The following B4GALT6 variants were observed in gnomAD, a reference collection of about 807,000 sequenced individuals.
B4GALT6 encodes the protein beta-1,4-galactosyltransferase 6.
Under a neutral mutation model 46.3 loss-of-function variants are expected in B4GALT6, and 14 were observed. The observed-to-expected ratio is 0.30, with a 90% confidence interval of 0.20 to 0.47. B4GALT6 has a LOEUF of 0.47. B4GALT6 is among the 20% of genes least tolerant of loss of function. The probability of loss-of-function intolerance (pLI) is 0.99; values close to 1 mark genes in which losing one functional copy is unlikely to be tolerated. For synonymous variants in B4GALT6, 168 were observed against 162.0 expected (o/e 1.04, Z -0.28); for missense variants, 386 against 480.1 (o/e 0.80, Z 1.83).
chr18:31,631,200 C>CTTTTTTTTTT (rs10657836), intron 5 of B4GALT6, 54 bp from the exon 6 acceptor site: 4 of 1,074,916 alleles, frequency 3.7e-6, no homozygotes, highest in African/African-American at 3.6e-5. Flanking sequence ...ACTTCATCAT[C>CTTTTTTTTTT]TTTTTTTTTT....
At chr18:31,724,541 G>T in the B4GALT6 span, 1 of 1,022,360 alleles carries the variant, frequency 9.8e-7, no homozygotes, top group South Asian at 3.9e-5. Context: ...TTCAGGAATC[G>T]ACTGAGACTT....
At chr18:31,707,507 T>A in the B4GALT6 span, among the ~76,000 whole-genome samples, 1 of 152,186 alleles carries the variant, frequency 6.6e-6, no homozygotes, top group South Asian at 2.1e-4. Context: ...CTGTTCTACA[T>A]GAAGAGGTTA....
intron 2 of B4GALT6, 57 bp downstream of exon 2, chr18:31,666,199 A>G: frequency 1.0e-6 from 1 of 980,956 alleles, no homozygotes; most frequent in Non-Finnish European, 1.5e-6. Flanking sequence ...AACAGACTGT[A>G]AAAGATTTGG....
Position 31,654,358 on chromosome 18 carries a change from T to C in B4GALT6, c.346+3618A>G, listed in dbSNP as rs150500206. Among the ~76,000 whole-genome samples the C allele has an allele frequency of 4.6e-3, 695 of 152,372 alleles. 6 individuals carry two copies. The highest frequency in any genetic ancestry group is 0.016 in the African/African-American group (666 of 41,598). ...ACAAGGTGAAACTTCTATTTTACTT[T>C]GTTAGCACAAAGAATCTTACATAAA... On this transcript the variant is annotated intron_variant, in intron 3 of 8. Transcript: ENST00000306851.
chr18:31,689,679 G>T (rs1183196993), upstream of B4GALT6, among the ~76,000 whole-genome samples: 2 of 151,352 alleles, frequency 1.3e-5, no homozygotes, highest in Non-Finnish European at 2.9e-5. Context: ...GGGAGACGGA[G>T]GTTGCAGTGA....
chr18:31,667,003 A>T (rs564640209), intron 1 of B4GALT6, among the ~76,000 whole-genome samples: 2 of 152,356 alleles, frequency 1.3e-5, no homozygotes, highest in Admixed American at 1.3e-4. Context: ...TTTTTAAAGC[A>T]GCTCAATTTA....
intron 6 of B4GALT6, among the ~76,000 whole-genome samples, chr18:31,629,583 C>T (rs1259046912): frequency 6.8e-6 from 1 of 146,844 alleles, no homozygotes; most frequent in African/African-American, 2.5e-5. Context: ...GGCACGGTGG[C>T]TCATGCCTGT....
At chr18:31,644,947 C>T (rs1166923180) in intron 4 of B4GALT6, among the ~76,000 whole-genome samples, 1 of 152,190 alleles carries the variant, frequency 6.6e-6, no homozygotes, top group Non-Finnish European at 1.5e-5. Flanking sequence ...TTAATATCCT[C>T]CCAGTGAGTT....
chr18:31,666,115 C>T (rs1181154701), intron 2 of B4GALT6, 141 bp downstream of exon 2: 5 of 511,336 alleles, frequency 9.8e-6, no homozygotes, highest in Non-Finnish European at 1.8e-5. Context: ...TTGATTTGCA[C>T]AGTAAAATAA....
At chr18:31,680,353 C>A (rs1187008345) in intron 1 of B4GALT6, among the ~76,000 whole-genome samples, 1 of 152,178 alleles carries the variant, frequency 6.6e-6, no homozygotes, top group Non-Finnish European at 1.5e-5. Flanking sequence ...CAGAGGGACT[C>A]TGAGGAAAGG....
intron 3 of B4GALT6, among the ~76,000 whole-genome samples, chr18:31,657,468 A>C (rs548288840): frequency 6.6e-6 from 1 of 152,178 alleles, no homozygotes; most frequent in Non-Finnish European, 1.5e-5. Context: ...AACAATATCT[A>C]TTTTCTATAC....
At chr18:31,679,352 T>C (rs1284989832) in intron 1 of B4GALT6, among the ~76,000 whole-genome samples, 1 of 152,200 alleles carries the variant, frequency 6.6e-6, no homozygotes, top group Non-Finnish European at 1.5e-5. Flanking sequence ...TGAAGAGATA[T>C]AGCTGAGTCA....
chr18:31,649,857 C>CA (rs1398744074), intron 3 of B4GALT6, among the ~76,000 whole-genome samples: 1 of 152,148 alleles, frequency 6.6e-6, no homozygotes, highest in Non-Finnish European at 1.5e-5. Flanking sequence ...GGAGATTTCT[C>CA]AAAAAACATA....
chr18:31,712,443 C>T, the B4GALT6 span, among the ~76,000 whole-genome samples: 1 of 151,834 alleles, frequency 6.6e-6, no homozygotes, highest in Non-Finnish European at 1.5e-5. Context: ...GCTGGGATTA[C>T]AGGTGCCCAC....
chr18:31,707,511 G>C, the B4GALT6 span, among the ~76,000 whole-genome samples: 2 of 152,242 alleles, frequency 1.3e-5, no homozygotes, highest in African/African-American at 4.8e-5. Context: ...TCTACATGAA[G>C]AGGTTAATTT....
rs1248288736 is a variant in B4GALT6, at chr18:31,623,664, T to A, written c.*1950A>T. On this transcript the variant is annotated 3_prime_UTR_variant, in exon 9 of 9. Coordinates refer to ENST00000306851, the MANE Select transcript of B4GALT6 (RefSeq NM_004775.5). ...AGAAGGTTTGATTTTTCGAGTACCA[T>A]AAAAAAACTGAAATATAAATATTTT... The A allele has an allele frequency of 6.6e-6, 1 of 152,230 alleles. No homozygotes were observed. Among genetic ancestry groups the A allele is most frequent in the Non-Finnish European group, 1.5e-5 (1 of 67,812 alleles). 9.4% of individuals were successfully genotyped at this position (152,230 alleles called of 1,614,324 possible).
At position 31,623,948 on chromosome 18, in the gene B4GALT6, C is replaced by A. The variant is rs1339948321; in HGVS notation, c.*1666G>T. On this transcript the variant is annotated 3_prime_UTR_variant, in exon 9 of 9. Transcript: ENST00000306851. ...TTCTCATATATAGATTTCTATTGCT[C>A]ATCATTGTTGTTGAACATTCACTTT... 1 of 151,956 alleles carries A rather than the reference C, an allele frequency of 6.6e-6. No individual in the cohort carries two copies. Among genetic ancestry groups the A allele is most frequent in the African/African-American group, 2.4e-5 (1 of 41,438 alleles). 9.4% of individuals were successfully genotyped at this position (151,956 alleles called of 1,614,324 possible).
chr18:31,643,251 G>A (rs902191962), intron 4 of B4GALT6, among the ~76,000 whole-genome samples: 1 of 152,134 alleles, frequency 6.6e-6, no homozygotes, highest in Non-Finnish European at 1.5e-5. Context: ...TACATTCTGA[G>A]AAGGATTTGC....
At chr18:31,637,908 A>G (rs772841321) in intron 5 of B4GALT6, among the ~76,000 whole-genome samples, 2 of 152,214 alleles carry the variant, frequency 1.3e-5, no homozygotes, top group Non-Finnish European at 2.9e-5. Flanking sequence ...GCTGCCAAGT[A>G]GCCTAAATTA....
Sources: allele counts gnomAD v4.1 joint callset (sites outside exome capture counted in the v4.1 genomes callset), GRCh38; gene constraint gnomAD v4.1.1; transcripts MANE v1.5; gene names NCBI Gene and HGNC (gene_info 2026-07-23, HGNC 2026-07-21).